TFB1M: variants seen among roughly 807,000 people sequenced by gnomAD.
TFB1M encodes dimethyladenosine transferase 1, mitochondrial.
A neutral mutation model predicts 31.1 loss-of-function variants in TFB1M; 27 were observed. That is an observed-to-expected ratio of 0.87 (90% CI 0.64 to 1.20). The LOEUF is 1.20. Among genes scored for constraint, TFB1M ranks in the 50% most tolerant of loss-of-function variants. TFB1M has a pLI of 0.00. For synonymous variants in TFB1M, 166 were observed against 151.8 expected (o/e 1.09, Z -0.69); for missense variants, 394 against 418.7 (o/e 0.94, Z 0.51).
the TFB1M span, among the ~76,000 whole-genome samples, chr6:155,249,665 T>C: frequency 6.6e-6 from 1 of 152,200 alleles, no homozygotes; most frequent in African/African-American, 2.4e-5. Context: ...GGAGATAATT[T>C]TGCTGTTCTT....
intron 4 of TFB1M, among the ~76,000 whole-genome samples, chr6:155,287,548 C>CTCAGTG (rs1421340053): frequency 1.5e-5 from 1 of 64,702 alleles, no homozygotes. Flanking sequence ...ATCATTTACT[C>CTCAGTG]TGAGTGTGTG....
chr6:155,266,642 C>T (rs62427163), intron 5 of TFB1M, among the ~76,000 whole-genome samples: 44,274 of 151,628 alleles, frequency 0.29, 7,207 homozygotes, highest in East Asian at 0.66. Context: ...GTCAGGAGAT[C>T]GAGACCATCC....
At chr6:155,254,049 G>A (rs1291360109), downstream of TFB1M, 5 of 1,614,060 alleles carry the variant, frequency 3.1e-6, no homozygotes, top group East Asian at 2.2e-5. Context: ...CCATCTTTCA[G>A]TTGTGTTGCA....
chr6:155,294,193 A>G (rs1380670226), intron 4 of TFB1M, among the ~76,000 whole-genome samples: 1 of 152,216 alleles, frequency 6.6e-6, no homozygotes, highest in Non-Finnish European at 1.5e-5. Context: ...CTATACACAG[A>G]GATCAAACCC....
At position 155,257,707 on chromosome 6, in the gene TFB1M, A is replaced by G. The variant is rs1333124109; in HGVS notation, c.*129T>C. On this transcript the variant is annotated 3_prime_UTR_variant, in exon 7 of 7. Transcript: ENST00000367166. ...TTTTCTCTGCCAAGCTGTATAGTAAAAGGAAAATAAGTCACATCTGGTCAT... is the reference window on the plus strand; with the variant it reads ...TTTTCTCTGCCAAGCTGTATAGTAAGAGGAAAATAAGTCACATCTGGTCAT... 8 of 1,130,784 alleles carry G rather than the reference A, an allele frequency of 7.1e-6. 1 individual carries two copies. Among genetic ancestry groups the G allele is most frequent in the South Asian group, 2.8e-5 (2 of 71,570 alleles). 70.0% of individuals were successfully genotyped at this position (1,130,784 alleles called of 1,614,324 possible). A position where few individuals can be genotyped will look rare whatever the true frequency, so the allele number is the denominator to read the frequency against.
At chr6:155,260,839 C>G (rs1784362575) in intron 5 of TFB1M, 1 of 277,304 alleles carries the variant, frequency 3.6e-6, no homozygotes, top group South Asian at 3.8e-5. Flanking sequence ...GCTAAACTTC[C>G]CAGATAGAGA....
At chr6:155,291,108 G>C (rs1776903271) in intron 4 of TFB1M, among the ~76,000 whole-genome samples, 1 of 152,136 alleles carries the variant, frequency 6.6e-6, no homozygotes, top group Non-Finnish European at 1.5e-5. Context: ...TTTATAGCTG[G>C]TCGCTCAGAA....
downstream of TFB1M, chr6:155,252,068 A>G (rs1783696842): frequency 1.5e-6 from 2 of 1,355,922 alleles, no homozygotes; most frequent in Non-Finnish European, 2.1e-6. Context: ...ATTAACGTTG[A>G]ACTGAAAAGC....
chr6:155,286,609 A>G (rs1776663769), intron 4 of TFB1M, among the ~76,000 whole-genome samples: 1 of 139,462 alleles, frequency 7.2e-6, no homozygotes, highest in Non-Finnish European at 1.5e-5. Context: ...ATATGTGTGT[A>G]TATATATGTG....
In TFB1M at chr6:155,262,431, C is replaced by T. The variant is rs548731589; in HGVS notation, c.667-2031G>A. On this transcript the variant is annotated intron_variant, in intron 5 of 6. Coordinates refer to ENST00000367166, the MANE Select transcript of TFB1M (RefSeq NM_016020.4). ...ACCTCGCCAGCCTTCTCTCACTGGA[C>T]TCTCCATTTCCCTTTCATCCCCTGA... Among the ~76,000 whole-genome samples, 106 of 152,218 alleles carry T rather than the reference C, an allele frequency of 7.0e-4. No homozygotes were observed. In the Middle Eastern group the frequency reaches 0.02, roughly 29 times the overall value.
the TFB1M span, chr6:155,240,461 C>T: frequency 6.7e-7 from 1 of 1,497,886 alleles, no homozygotes; most frequent in Non-Finnish European, 9.0e-7. Context: ...ACACTTGGTG[C>T]CCTTGGGGGC....
At chr6:155,240,413 A>G in the TFB1M span, 3 of 1,114,632 alleles carry the variant, frequency 2.7e-6, no homozygotes, top group East Asian at 2.5e-5. Flanking sequence ...TGCCCTACAC[A>G]GAGGCCCCTC....
intron 5 of TFB1M, chr6:155,275,800 G>A (rs951355804): frequency 6.2e-7 from 1 of 1,614,000 alleles, no homozygotes. Flanking sequence ...CCACTCTGCT[G>A]CCCAACTGGA....
intron 2 of TFB1M, among the ~76,000 whole-genome samples, chr6:155,299,257 C>T (rs1317236877): frequency 6.6e-6 from 1 of 152,144 alleles, no homozygotes; most frequent in African/African-American, 2.4e-5. Flanking sequence ...GCTTTCTTTC[C>T]TTTTCCTTCT....
the TFB1M span, among the ~76,000 whole-genome samples, chr6:155,230,401 C>T: frequency 6.6e-6 from 1 of 152,228 alleles, no homozygotes. Flanking sequence ...TTAACCCTGG[C>T]TCCAGTGTTA....
chr6:155,284,999 T>C (rs1423217256), intron 5 of TFB1M, among the ~76,000 whole-genome samples, 159 bp downstream of exon 5: 1 of 152,210 alleles, frequency 6.6e-6, no homozygotes, highest in Non-Finnish European at 1.5e-5. Flanking sequence ...GAACTAGCTA[T>C]TCATATTACG....
chr6:155,286,203 G>A (rs1327268105), intron 4 of TFB1M, among the ~76,000 whole-genome samples: 5 of 152,072 alleles, frequency 3.3e-5, no homozygotes, highest in Admixed American at 2.6e-4. Context: ...GGAGAAAACA[G>A]TAGGTCCTTA....
At chr6:155,243,935 A>AGG in the TFB1M span, 1 of 1,061,342 alleles carries the variant, frequency 9.4e-7, no homozygotes, top group Non-Finnish European at 1.4e-6. Context: ...AGCTGCTGCC[A>AGG]GGTTGCTGCT....
rs1784026071 is a variant in TFB1M, at chr6:155,256,381, A to AAAT, written c.*1452_*1454dup. 4.6e-6 allele frequency: 7 copies of AAAT among 1,522,906 alleles called. No individual in the cohort carries two copies. Among genetic ancestry groups the AAAT allele is most frequent in the East Asian group, 4.6e-5 (2 of 43,708 alleles). 94.3% of individuals were successfully genotyped at this position (1,522,906 alleles called of 1,614,324 possible). On this transcript the variant is annotated 3_prime_UTR_variant, in exon 7 of 7. Coordinates refer to ENST00000367166, the MANE Select transcript of TFB1M (RefSeq NM_016020.4). ...AGTTGCTAACTGAAGTCATATCATA[A>AAAT]AATAAAATCTTAATGTTAAATCTTA...
Sources: allele counts gnomAD v4.1 joint callset (sites outside exome capture counted in the v4.1 genomes callset), GRCh38; gene constraint gnomAD v4.1.1; transcripts MANE v1.5; gene names NCBI Gene and HGNC (gene_info 2026-07-23, HGNC 2026-07-21).